The following TEX9 variants were observed in gnomAD, a reference collection of about 807,000 sequenced individuals.
The protein encoded by TEX9 is testis expressed 9.
A neutral mutation model predicts 59.6 loss-of-function variants in TEX9; 74 were observed. The ratio of observed to expected loss-of-function variants is 1.24; its 90% CI spans 1.03 to 1.51. The LOEUF (loss-of-function observed/expected upper bound fraction) is 1.51, where lower values mean the gene tolerates loss of function less well. TEX9 is among the 40% of genes most tolerant of loss of function. The pLI, the probability that TEX9 is intolerant of heterozygous loss-of-function variation, is 0.00. For synonymous variants in TEX9, 186 were observed against 152.2 expected, an observed-to-expected ratio of 1.22 and a Z score of -1.64; for missense variants, 522 against 447.8, an observed-to-expected ratio of 1.17 and a Z score of -1.49.
At chr15:56,337,216 A>G (rs1467146199) in intron 1 of TEX9, among the ~76,000 whole-genome samples, 1 of 152,108 alleles carries the variant, frequency 6.6e-6, no homozygotes, top group African/African-American at 2.4e-5. Flanking sequence ...TGTTCCACAC[A>G]TTCTATATCC....
chr15:56,387,570 T>C (rs1189209269), intron 4 of TEX9, among the ~76,000 whole-genome samples: 1 of 151,928 alleles, frequency 6.6e-6, no homozygotes, highest in Non-Finnish European at 1.5e-5. Flanking sequence ...AAAATAATTT[T>C]AGTTGTATGT....
At position 56,378,730 on chromosome 15, in the gene TEX9, A is replaced by C. The variant is rs576269765; in HGVS notation, c.184-5222A>C. Among the ~76,000 whole-genome samples, 3 of 151,528 alleles carry C rather than the reference A, an allele frequency of 2.0e-5. No homozygotes were observed. In the East Asian group the frequency reaches 5.8e-4, roughly 29 times the overall value. ...CTCTGATCTTCATTTCTTTTCTTCT[A>C]CTAATTTTGGTTTGGTTTGTTCTTG... On this transcript the variant is annotated intron_variant, in intron 3 of 12. Coordinates refer to ENST00000352903, the Ensembl canonical transcript of TEX9.
At chr15:56,435,523 A>T (rs908657146) in intron 12 of TEX9, among the ~76,000 whole-genome samples, 24 of 152,020 alleles carry the variant, frequency 1.6e-4, no homozygotes, top group African/African-American at 5.1e-4. Flanking sequence ...CAAAAGGATA[A>T]TACAGGAATA....
At chr15:56,415,149 G>C (rs1012273563) in intron 10 of TEX9, among the ~76,000 whole-genome samples, 1 of 151,760 alleles carries the variant, frequency 6.6e-6, no homozygotes, top group Admixed American at 6.6e-5. Context: ...TTTATCAGAT[G>C]CATAGTTTGC....
At chr15:56,308,939 C>G (rs1185475695) in intron 1 of TEX9, among the ~76,000 whole-genome samples, 4 of 152,154 alleles carry the variant, frequency 2.6e-5, no homozygotes, top group Non-Finnish European at 5.9e-5. Context: ...ACTGCACTAT[C>G]ATTAGTGTGG....
chr15:56,367,914 A>G (rs2047019886), intron 2 of TEX9, among the ~76,000 whole-genome samples: 1 of 152,144 alleles, frequency 6.6e-6, no homozygotes, highest in Admixed American at 6.5e-5. Flanking sequence ...TCTCTTATTC[A>G]TTCTGTGAAT....
At chr15:56,314,897 T>C (rs1405760171) in intron 1 of TEX9, among the ~76,000 whole-genome samples, 1 of 151,910 alleles carries the variant, frequency 6.6e-6, no homozygotes, top group Non-Finnish European at 1.5e-5. Flanking sequence ...CCCTTTACCA[T>C]TATGTAATGG....
chr15:56,336,081 A>G (rs1175803312), intron 1 of TEX9, among the ~76,000 whole-genome samples: 1 of 152,218 alleles, frequency 6.6e-6, no homozygotes, highest in Non-Finnish European at 1.5e-5. Flanking sequence ...GTGCAGTTGC[A>G]TCGCTGAAAT....
upstream of TEX9, chr15:56,365,338 A>ATCT (rs1171937893): frequency 7.2e-7 from 1 of 1,389,358 alleles, no homozygotes; most frequent in Non-Finnish European, 9.6e-7. Context: ...CGCTCGCAGC[A>ATCT]CAGAACCTGA....
intron 2 of TEX9, 35 bp downstream of exon 2, chr15:56,365,705 CT>C: frequency 6.2e-7 from 1 of 1,613,434 alleles, no homozygotes; most frequent in African/African-American, 1.3e-5. Context: ...TTCCTTCTTT[CT>C]TTCATCTGAA....
intron 1 of TEX9, among the ~76,000 whole-genome samples, chr15:56,326,799 A>G (rs1431865112): frequency 1.3e-5 from 1 of 77,888 alleles, no homozygotes; most frequent in African/African-American, 3.2e-5. Flanking sequence ...ACTCACATGC[A>G]GAGCTATATT....
At chr15:56,351,228 C>T (rs2046573137) in intron 1 of TEX9, among the ~76,000 whole-genome samples, 1 of 106,796 alleles carries the variant, frequency 9.4e-6, no homozygotes, top group South Asian at 2.9e-4. Flanking sequence ...TAACGTTGTT[C>T]TGAAATTTAT....
chr15:56,364,207 G>A (rs537771746), upstream of TEX9, among the ~76,000 whole-genome samples: 4 of 151,490 alleles, frequency 2.6e-5, no homozygotes, highest in Non-Finnish European at 5.9e-5. Flanking sequence ...AGGTTGGAGC[G>A]CAATGGTGCA....
the TEX9 span, among the ~76,000 whole-genome samples, chr15:56,454,955 G>C: frequency 6.6e-6 from 1 of 152,080 alleles, no homozygotes; most frequent in East Asian, 1.9e-4. Flanking sequence ...ACAGCTTGTA[G>C]AACGCTGTTG....
chr15:56,393,002 G>T (rs1461458805), intron 7 of TEX9, among the ~76,000 whole-genome samples: 1 of 152,154 alleles, frequency 6.6e-6, no homozygotes, highest in East Asian at 1.9e-4. Flanking sequence ...TAATTTGGGA[G>T]CACAGATTAC....
chr15:56,336,710 C>G (rs1290180144), intron 1 of TEX9, among the ~76,000 whole-genome samples: 4 of 152,130 alleles, frequency 2.6e-5, no homozygotes, highest in African/African-American at 7.2e-5. Flanking sequence ...AATTGCAGTA[C>G]AGTTGCAACA....
intron 1 of TEX9, among the ~76,000 whole-genome samples, chr15:56,270,247 G>C (rs1197324532): frequency 2.6e-5 from 4 of 152,116 alleles, no homozygotes; most frequent in African/African-American, 9.7e-5. Flanking sequence ...ACAGTGGGGT[G>C]TTAAAATCTC....
intron 1 of TEX9, among the ~76,000 whole-genome samples, chr15:56,350,068 C>A (rs1305664252): frequency 6.6e-6 from 1 of 151,932 alleles, no homozygotes; most frequent in Admixed American, 6.6e-5. Flanking sequence ...GCTTATAGTC[C>A]TTATATTGTA....
At chr15:56,419,892 C>G (rs1466898781) in intron 10 of TEX9, among the ~76,000 whole-genome samples, 1 of 151,860 alleles carries the variant, frequency 6.6e-6, no homozygotes, top group African/African-American at 2.4e-5. Context: ...GTAAAGCCGT[C>G]TGGGCCTGAG....
Sources: allele counts gnomAD v4.1 joint callset (sites outside exome capture counted in the v4.1 genomes callset), GRCh38; gene constraint gnomAD v4.1.1; transcripts MANE v1.5; gene names NCBI Gene and HGNC (gene_info 2026-07-23, HGNC 2026-07-21).